PTTG1IP2: variants seen among roughly 807,000 people sequenced by gnomAD.
The protein encoded by PTTG1IP2 is PTTG1IP family member 2.
intron 6 of PTTG1IP2, among the ~76,000 whole-genome samples, chr7:90,497,742 A>AAG (rs1562988271): frequency 2.9e-5 from 4 of 135,616 alleles, no homozygotes; most frequent in African/African-American, 6.0e-5. Context: ...AAAAAAAAAA[A>AAG]AAGAAGAAGA....
chr7:90,507,488 G>A (rs748862708), intron 6 of PTTG1IP2, among the ~76,000 whole-genome samples: 8 of 152,066 alleles, frequency 5.3e-5, no homozygotes, highest in Non-Finnish European at 1.2e-4. Context: ...CATTTTTCAA[G>A]GAGGGTTAGG....
chr7:90,485,441 A>T (rs1562985625), intron 2 of PTTG1IP2, among the ~76,000 whole-genome samples: 1 of 152,198 alleles, frequency 6.6e-6, no homozygotes, highest in African/African-American at 2.4e-5. Flanking sequence ...CACTCCTTCA[A>T]GTTAGCTATA....
At chr7:90,489,820 G>A (rs997582983) in intron 4 of PTTG1IP2, among the ~76,000 whole-genome samples, 1 of 151,876 alleles carries the variant, frequency 6.6e-6, no homozygotes, top group African/African-American at 2.4e-5. Context: ...AGATCAAATA[G>A]ATTCTCTTTT....
At chr7:90,512,589 G>T (rs12704547) in intron 6 of PTTG1IP2, among the ~76,000 whole-genome samples, 62,003 of 151,906 alleles carry the variant, frequency 0.41, 13,578 homozygotes, top group Non-Finnish European at 0.51. Context: ...AAAGAGTTGG[G>T]GTTGCAGTAG....
At chr7:90,485,450 T>A (rs1219347417) in intron 2 of PTTG1IP2, among the ~76,000 whole-genome samples, 1 of 152,146 alleles carries the variant, frequency 6.6e-6, no homozygotes, top group Non-Finnish European at 1.5e-5. Context: ...AAGTTAGCTA[T>A]ATAATCAGTT....
At chr7:90,508,263 C>CAAA (rs5885728) in intron 6 of PTTG1IP2, among the ~76,000 whole-genome samples, 6 of 76,920 alleles carry the variant, frequency 7.8e-5, no homozygotes, top group African/African-American at 2.7e-4. Flanking sequence ...GAACTCGTCT[C>CAAA]AAAAAAAAAA....
chr7:90,490,998 G>A (rs1218718388), intron 4 of PTTG1IP2, among the ~76,000 whole-genome samples: 3 of 152,020 alleles, frequency 2.0e-5, no homozygotes, highest in African/African-American at 7.2e-5. Context: ...TTCTGTAGGG[G>A]TATTTATCTT....
intron 6 of PTTG1IP2, among the ~76,000 whole-genome samples, chr7:90,505,688 GA>G (rs1278961616): frequency 6.6e-6 from 1 of 152,130 alleles, no homozygotes. Context: ...TTGGCTATAA[GA>G]AAATGCCTGT....
At chr7:90,496,799 T>A (rs1277284152) in intron 6 of PTTG1IP2, among the ~76,000 whole-genome samples, 1 of 152,156 alleles carries the variant, frequency 6.6e-6, no homozygotes, top group Non-Finnish European at 1.5e-5. Flanking sequence ...TAATTTGAGA[T>A]CTTTCTTTTT....
chr7:90,493,158 G>T (rs1182446842), intron 5 of PTTG1IP2, among the ~76,000 whole-genome samples: 2 of 152,072 alleles, frequency 1.3e-5, no homozygotes, highest in Non-Finnish European at 2.9e-5. Context: ...GTGCGGGGGG[G>T]CTTCAGATTA....
rs1338961316 is a variant in PTTG1IP2, at chr7:90,472,284, AC to A, written c.145+2354del. ...GGAGTATACGATAGCATGCAAACAC[AC>A]ACACACACACACACACACACACACA... On this transcript the variant is annotated intron_variant, in intron 1 of 6. Transcript: ENST00000509356. Among the ~76,000 whole-genome samples, 47 of 32,012 alleles carry A rather than the reference AC, an allele frequency of 1.5e-3. 1 individual carries two copies. The East Asian group carries it at 0.32, about 220-fold the overall frequency. 21.0% of individuals were successfully genotyped at this position (32,012 alleles called of 152,430 possible).
chr7:90,504,767 G>A (rs1296462422), intron 6 of PTTG1IP2, among the ~76,000 whole-genome samples: 1 of 152,130 alleles, frequency 6.6e-6, no homozygotes, highest in Non-Finnish European at 1.5e-5. Flanking sequence ...GGGAAAGCTG[G>A]AATAAAGTAG....
At chr7:90,512,174 T>A (rs1798197538) in intron 6 of PTTG1IP2, among the ~76,000 whole-genome samples, 1 of 152,198 alleles carries the variant, frequency 6.6e-6, no homozygotes, top group Non-Finnish European at 1.5e-5. Context: ...TTATTGAGCT[T>A]TTGCCTTGTG....
intron 6 of PTTG1IP2, among the ~76,000 whole-genome samples, chr7:90,512,329 T>G (rs1798199867): frequency 6.6e-6 from 1 of 150,442 alleles, no homozygotes; most frequent in African/African-American, 2.4e-5. Flanking sequence ...AAGAAGGGAG[T>G]AAAATTAGGG....
At chr7:90,489,618 T>C (rs1218988086) in intron 4 of PTTG1IP2, among the ~76,000 whole-genome samples, 1 of 151,942 alleles carries the variant, frequency 6.6e-6, no homozygotes, top group Non-Finnish European at 1.5e-5. Flanking sequence ...ATTTACATTC[T>C]GTTCTGTGGC....
intron 2 of PTTG1IP2, among the ~76,000 whole-genome samples, chr7:90,482,999 C>T (rs186714905): frequency 6.6e-6 from 1 of 152,042 alleles, no homozygotes; most frequent in African/African-American, 2.4e-5. Flanking sequence ...TACCTTACAA[C>T]CCACAAAGAG....
At chr7:90,507,632 T>C (rs1202086436) in intron 6 of PTTG1IP2, among the ~76,000 whole-genome samples, 3 of 152,108 alleles carry the variant, frequency 2.0e-5, no homozygotes, top group Non-Finnish European at 2.9e-5. Flanking sequence ...GCCAGAAATA[T>C]CTTGGATTCT....
chr7:90,510,319 T>C (rs1414118578), intron 6 of PTTG1IP2, among the ~76,000 whole-genome samples: 1 of 152,180 alleles, frequency 6.6e-6, no homozygotes, highest in Non-Finnish European at 1.5e-5. Flanking sequence ...AAAGTGCAAA[T>C]TGACTCCTTA....
chr7:90,470,577 G>A (rs1475026785), intron 1 of PTTG1IP2, among the ~76,000 whole-genome samples: 1 of 152,194 alleles, frequency 6.6e-6, no homozygotes, highest in East Asian at 1.9e-4. Flanking sequence ...CTGCTGTCTG[G>A]TTTCCAGAGT....
Sources: gnomAD v4.1 joint callset for allele counts (sites outside exome capture counted in the v4.1 genomes callset) on GRCh38, gnomAD v4.1.1 for gene constraint, MANE v1.5 for transcripts, NCBI Gene and HGNC (gene_info 2026-07-23, HGNC 2026-07-21) for gene names.